CTNNA3: variants seen among roughly 807,000 people sequenced by gnomAD.
CTNNA3 encodes the protein catenin alpha-3.
Under a neutral mutation model 95.7 loss-of-function variants are expected in CTNNA3, and 76 were observed. The observed-to-expected ratio is 0.79, with a 90% CI of 0.66 to 0.96. CTNNA3 has a LOEUF of 0.96. CTNNA3 is among the 40% of genes least tolerant of loss of function. The pLI is 0.00. For synonymous variants in CTNNA3, 431 were observed against 374.4 expected, an observed-to-expected ratio of 1.15 and a Z score of -1.74; for missense variants, 1,191 against 1,089.8, an observed-to-expected ratio of 1.09 and a Z score of -1.31.
chr10:67,711,304 C>G (rs1377873527), intron 1 of CTNNA3, among the ~76,000 whole-genome samples: 1 of 152,146 alleles, frequency 6.6e-6, no homozygotes, highest in Non-Finnish European at 1.5e-5. Flanking sequence ...GAGGTTGGAA[C>G]AGTTTGGAGG....
chr10:66,562,565 C>T (rs1842585756), intron 10 of CTNNA3, among the ~76,000 whole-genome samples: 1 of 152,076 alleles, frequency 6.6e-6, no homozygotes, highest in Admixed American at 6.6e-5. Context: ...AGCAATTTTA[C>T]TATCCTCGAT....
intron 7 of CTNNA3, among the ~76,000 whole-genome samples, chr10:67,100,699 C>T (rs1051615301): frequency 2.0e-5 from 3 of 151,648 alleles, no homozygotes; most frequent in Non-Finnish European, 4.4e-5. Context: ...GCAGCTGCAG[C>T]AAACCATAAA....
rs573663758 is a variant in CTNNA3, at chr10:66,451,295, G to A, written c.1531+69322C>T. On this transcript the variant is annotated intron_variant, in intron 11 of 17. Coordinates refer to ENST00000433211, the MANE Select transcript of CTNNA3 (RefSeq NM_013266.4). ...GCAAGACACTTTTTATGCTTGACAC[G>A]TGTCATTTTATTTAATCATGTAACA... is the stretch of plus-strand genomic sequence containing the variant. 5.9e-5 allele frequency among the ~76,000 whole-genome samples: 9 copies of A among 152,246 alleles called. No homozygotes were observed. The South Asian group carries it at 1.0e-3, about 18-fold the overall frequency.
upstream of CTNNA3, among the ~76,000 whole-genome samples, chr10:67,699,095 C>A (rs1355992996): frequency 6.6e-6 from 1 of 152,158 alleles, no homozygotes; most frequent in Non-Finnish European, 1.5e-5. Context: ...CCCTTCTTCC[C>A]TCACCTTTTC....
chr10:66,874,594 A>T (rs1341266239), intron 7 of CTNNA3, among the ~76,000 whole-genome samples: 1 of 152,188 alleles, frequency 6.6e-6, no homozygotes, highest in South Asian at 2.1e-4. Context: ...CTATACCCAC[A>T]TGCAGTATGA....
chr10:66,336,564 C>T (rs1265218152), intron 12 of CTNNA3, among the ~76,000 whole-genome samples: 1 of 152,110 alleles, frequency 6.6e-6, no homozygotes, highest in Non-Finnish European at 1.5e-5. Context: ...ACAAGAATTT[C>T]CCAGTGGCCC....
chr10:67,072,727 T>G lies in CTNNA3; in HGVS notation c.1047+107590A>C, dbSNP rs578221436. Among the ~76,000 whole-genome samples, 7 of 152,310 alleles carry G rather than the reference T, an allele frequency of 4.6e-5. 1 individual carries two copies. Among genetic ancestry groups the G allele is most frequent in the Admixed American group, 4.6e-4 (7 of 15,300 alleles). Reference sequence around the variant, plus strand: ...CCCTGAAAAAGTTCTCTTTCAGAAGTTTTCAGCTCATTTCTTTATCTTAGG... The same window carrying G: ...CCCTGAAAAAGTTCTCTTTCAGAAGGTTTCAGCTCATTTCTTTATCTTAGG... On this transcript the variant is annotated intron_variant, in intron 7 of 17. Transcript: ENST00000433211.
At chr10:67,511,885 T>C (rs1159842853) in intron 5 of CTNNA3, among the ~76,000 whole-genome samples, 2 of 152,162 alleles carry the variant, frequency 1.3e-5, no homozygotes, top group African/African-American at 2.4e-5. Context: ...CTGATATTGG[T>C]CTATTCAGAG....
intron 1 of CTNNA3, among the ~76,000 whole-genome samples, chr10:67,731,159 G>T (rs1041224393): frequency 1.1e-4 from 17 of 152,154 alleles, no homozygotes; most frequent in African/African-American, 3.4e-4. Flanking sequence ...GTTAAAGGTG[G>T]TTATTATATC....
chr10:66,499,067 T>C (rs1160069662), intron 11 of CTNNA3, among the ~76,000 whole-genome samples: 1 of 152,166 alleles, frequency 6.6e-6, no homozygotes, highest in Non-Finnish European at 1.5e-5. Flanking sequence ...AAATCCACAG[T>C]TGTCGGTTCT....
At chr10:66,513,324 G>A (rs761125454) in intron 11 of CTNNA3, among the ~76,000 whole-genome samples, 8 of 151,978 alleles carry the variant, frequency 5.3e-5, no homozygotes, top group Non-Finnish European at 1.2e-4. Flanking sequence ...TTTGTTTCTG[G>A]GAGAATGCAG....
chr10:66,337,493 G>A (rs1446419734), intron 12 of CTNNA3, among the ~76,000 whole-genome samples: 1 of 152,016 alleles, frequency 6.6e-6, no homozygotes, highest in Admixed American at 6.5e-5. Flanking sequence ...AGAAATCTGT[G>A]GCTCAGGATG....
Position 66,280,498 on chromosome 10 carries a change from T to C in CTNNA3, c.1856A>G (p.Asp619Gly), listed in dbSNP as rs747190761. 1.2e-6 allele frequency: 2 copies of C among 1,607,408 alleles called. No homozygotes were observed. The highest frequency in any genetic ancestry group is 1.7e-6 in the Non-Finnish European group (2 of 1,177,402). ...AATCATCATGACTGAACATCTGATA[T>C]CATGAATTGTATCATAGATCTTCTT... ...ISKKIYDTIH[D>G]IRCSVMMIRT... The change falls in exon 13 of 18, where the codon GAT becomes GGT. Residue 619 changes from aspartate to glycine, a missense_variant. By Grantham distance (94) the Asp-to-Gly change is moderately conservative. Transcript: ENST00000433211.
In CTNNA3 at chr10:65,916,335, G is replaced by T. The variant is rs570544559; in HGVS notation, c.*3995C>A. The T allele has an allele frequency of 1.3e-5, 2 of 151,988 alleles. No individual in the cohort carries two copies. Among genetic ancestry groups the T allele is most frequent in the African/African-American group, 4.8e-5 (2 of 41,386 alleles). 9.4% of individuals were successfully genotyped at this position (151,988 alleles called of 1,614,324 possible). On this transcript the variant is annotated 3_prime_UTR_variant, in exon 18 of 18. Transcript: ENST00000433211. The stretch of plus-strand genomic sequence containing the variant: ...CTTGGCAAAAAATAGGCCAACAAAA[G>T]AAAGTACAGATTTCATTCAAATTCA...
chr10:67,650,729 A>T (rs1400887142), intron 1 of CTNNA3, among the ~76,000 whole-genome samples: 2 of 152,174 alleles, frequency 1.3e-5, no homozygotes, highest in Non-Finnish European at 2.9e-5. Flanking sequence ...ATTGCTTGCC[A>T]TTTGACACCC....
intron 5 of CTNNA3, among the ~76,000 whole-genome samples, chr10:67,313,166 A>G (rs1840885960): frequency 6.6e-6 from 1 of 152,110 alleles, no homozygotes; most frequent in Non-Finnish European, 1.5e-5. Flanking sequence ...ACTTCCTAAA[A>G]AATAAACTTT....
intron 1 of CTNNA3, among the ~76,000 whole-genome samples, chr10:67,711,059 T>C (rs1841104424): frequency 6.6e-6 from 1 of 152,196 alleles, no homozygotes; most frequent in Non-Finnish European, 1.5e-5. Flanking sequence ...AGTTCTTTTC[T>C]CTTGTCTGCC....
At chr10:67,160,458 G>A (rs1016260559) in intron 7 of CTNNA3, among the ~76,000 whole-genome samples, 11 of 109,146 alleles carry the variant, frequency 1.0e-4, no homozygotes, top group East Asian at 8.0e-4. Context: ...TTTTTTTTGA[G>A]ACAGGGTCTT....
intron 11 of CTNNA3, among the ~76,000 whole-genome samples, chr10:66,433,337 C>T (rs1351278698): frequency 1.3e-5 from 2 of 152,150 alleles, no homozygotes; most frequent in Non-Finnish European, 2.9e-5. Flanking sequence ...TAATGATTGC[C>T]ATTCTAACTG....
Sources: allele counts gnomAD v4.1 joint callset (sites outside exome capture counted in the v4.1 genomes callset), GRCh38; gene constraint gnomAD v4.1.1; transcripts MANE v1.5; gene names NCBI Gene and HGNC (gene_info 2026-07-23, HGNC 2026-07-21).